GLYATL1: variants seen among roughly 807,000 people sequenced by gnomAD.
The protein encoded by GLYATL1 is glycine-N-acyltransferase like 1.
In GLYATL1, 15 loss-of-function variants were observed where a neutral mutation model predicts 20.0. That is an observed-to-expected ratio of 0.75 (90% CI 0.50 to 1.15). The LOEUF (loss-of-function observed/expected upper bound fraction) is 1.15, where lower values mean the gene tolerates loss of function less well. Ranked by LOEUF, GLYATL1 falls within the 50% of genes most tolerant of loss-of-function variation. The pLI, the probability that GLYATL1 is intolerant of heterozygous loss-of-function variation, is 0.00. For missense variants in GLYATL1, 380 were observed against 368.5 expected, an observed-to-expected ratio of 1.03 and a Z score of -0.26; for synonymous variants, 151 against 131.5, an observed-to-expected ratio of 1.15 and a Z score of -1.01.
intron 4 of GLYATL1, among the ~76,000 whole-genome samples, chr11:58,953,088 A>G (rs1003453909): frequency 2.6e-5 from 4 of 152,242 alleles, no homozygotes; most frequent in Non-Finnish European, 4.4e-5. Context: ...TTTATGGAAT[A>G]CTACACAGCA....
downstream of GLYATL1, among the ~76,000 whole-genome samples, chr11:58,913,145 G>A (rs1855091238): frequency 6.6e-6 from 1 of 152,146 alleles, no homozygotes; most frequent in Admixed American, 6.5e-5. Flanking sequence ...GGGGTGGACA[G>A]GGGCCAGAAC....
chr11:58,906,967 T>G (rs544182156), intron 1 of GLYATL1, among the ~76,000 whole-genome samples: 1 of 152,288 alleles, frequency 6.6e-6, no homozygotes, highest in Non-Finnish European at 1.5e-5. Context: ...TGTGGAATCC[T>G]TTTTTAAAAA....
chr11:58,933,739 T>G (rs1033042428), intron 1 of GLYATL1: 5 of 152,252 alleles, frequency 3.3e-5, no homozygotes, highest in African/African-American at 9.6e-5. Flanking sequence ...TTCTAGTTCT[T>G]GCATACCGGC....
At position 58,954,818 on chromosome 11, in the gene GLYATL1, T is replaced by A. The variant is rs530783722; in HGVS notation, c.235T>A (p.Ser79Thr). The A allele has an allele frequency of 7.4e-5, 119 of 1,612,714 alleles. 1 individual carries two copies. Among genetic ancestry groups the A allele is most frequent in the Admixed American group, 2.0e-4 (12 of 59,924 alleles). ...ATACACAAACGTATATCGTATGTTC[T>A]CCAAAGAGCCTCAAAAATCAGAAGA... is the stretch of plus-strand genomic sequence containing the variant. ...DSYTNVYRMFSKEPQKSEEVL... is the reference protein window; with the variant it reads ...DSYTNVYRMFTKEPQKSEEVL... Residue 79 changes from serine (S) to threonine (T), a missense_variant, in exon 5 of 7, where the codon TCC (serine) becomes ACC (threonine). Coordinates refer to ENST00000532726, the MANE Select transcript of GLYATL1 (RefSeq NM_001389712.2).
intron 2 of GLYATL1, among the ~76,000 whole-genome samples, chr11:58,944,944 G>T (rs1053625084): frequency 2.0e-5 from 3 of 150,688 alleles, no homozygotes; most frequent in African/African-American, 7.3e-5. Flanking sequence ...CAATATCATC[G>T]GATTCCATGA....
Position 58,956,278 on chromosome 11 carries a change from A to C in GLYATL1, c.*251A>C, listed in dbSNP as rs1283780002. The C allele has an allele frequency of 3.0e-5, 14 of 465,458 alleles. No homozygotes were observed. Among genetic ancestry groups the C allele is most frequent in the Non-Finnish European group, 4.9e-5 (13 of 263,376 alleles). The allele number at this position is 465,458 out of a possible 1,614,324, so 28.8% of individuals were successfully genotyped here. A position where few individuals can be genotyped will look rare whatever the true frequency, so the allele number is the denominator to read the frequency against. ...ATAGGGAAAGACGGGGTTACCAGTA[A>C]ACATGTAACTAGAAAGCCAGGCTCA... On this transcript the variant is annotated 3_prime_UTR_variant, in exon 7 of 7. Coordinates refer to ENST00000532726, the MANE Select transcript of GLYATL1 (RefSeq NM_001389712.2).
At chr11:58,911,870 T>A (rs575380906), downstream of GLYATL1, among the ~76,000 whole-genome samples, 1 of 152,366 alleles carries the variant, frequency 6.6e-6, no homozygotes, top group South Asian at 2.1e-4. Context: ...CATGCTTTTG[T>A]TGTTTACATC....
chr11:58,915,629 G>A (rs1590767835), intron 1 of GLYATL1, among the ~76,000 whole-genome samples: 1 of 152,302 alleles, frequency 6.6e-6, no homozygotes, highest in African/African-American at 2.4e-5. Flanking sequence ...GTGGGTTAGG[G>A]CTCAGCAATC....
intron 1 of GLYATL1, among the ~76,000 whole-genome samples, chr11:58,922,115 A>T (rs1855322746): frequency 6.6e-6 from 1 of 152,140 alleles, no homozygotes; most frequent in Non-Finnish European, 1.5e-5. Flanking sequence ...CCCAGTGGTG[A>T]TCCTCTTCAA....
At chr11:58,911,865 T>A (rs557096568), downstream of GLYATL1, among the ~76,000 whole-genome samples, 5 of 152,392 alleles carry the variant, frequency 3.3e-5, no homozygotes, top group South Asian at 1.0e-3. Context: ...CGGATCATGC[T>A]TTTGTTGTTT....
chr11:58,905,983 G>C (rs1256775661), intron 1 of GLYATL1, among the ~76,000 whole-genome samples: 1 of 152,226 alleles, frequency 6.6e-6, no homozygotes, highest in African/African-American at 2.4e-5. Context: ...TCCCTCCCGC[G>C]CGCCAGCCTG....
At chr11:58,909,018 C>T (rs1405255416), downstream of GLYATL1, among the ~76,000 whole-genome samples, 1 of 152,188 alleles carries the variant, frequency 6.6e-6, no homozygotes, top group Non-Finnish European at 1.5e-5. Context: ...CCCAGGCCAT[C>T]AGACTGCAGA....
At chr11:58,934,064 G>A (rs1855719594) in intron 1 of GLYATL1, 1 of 153,370 alleles carries the variant, frequency 6.5e-6, no homozygotes, top group South Asian at 2.1e-4. Flanking sequence ...CGTGCATTGA[G>A]CCTGTGTCTG....
intron 1 of GLYATL1, among the ~76,000 whole-genome samples, chr11:58,931,801 T>C (rs1855611147): frequency 6.6e-6 from 1 of 152,128 alleles, no homozygotes. Context: ...ATGTCTACAA[T>C]ATTAAATTAC....
intron 1 of GLYATL1, among the ~76,000 whole-genome samples, chr11:58,919,748 G>A (rs564396393): frequency 2.6e-5 from 4 of 152,280 alleles, no homozygotes; most frequent in African/African-American, 9.6e-5. Flanking sequence ...CCCGGGGTTC[G>A]GGTAGGCCCC....
intron 1 of GLYATL1, among the ~76,000 whole-genome samples, chr11:58,941,860 G>T (rs944791916): frequency 1.3e-5 from 2 of 152,176 alleles, no homozygotes; most frequent in African/African-American, 2.4e-5. Flanking sequence ...TGCAGGAGTT[G>T]CACAAAGACA....
At chr11:58,916,034 C>T (rs556446068) in intron 1 of GLYATL1, among the ~76,000 whole-genome samples, 2 of 152,208 alleles carry the variant, frequency 1.3e-5, no homozygotes, top group Non-Finnish European at 2.9e-5. Flanking sequence ...TCTTGCTATA[C>T]CTTTAGCAGA....
chr11:58,931,250 A>G (rs1173420162), intron 1 of GLYATL1, among the ~76,000 whole-genome samples: 1 of 152,046 alleles, frequency 6.6e-6, no homozygotes, highest in East Asian at 1.9e-4. Context: ...GTCTGTCTCT[A>G]TGTCTAAATT....
chr11:58,912,975 G>A (rs1285394028), downstream of GLYATL1, among the ~76,000 whole-genome samples: 5 of 152,230 alleles, frequency 3.3e-5, no homozygotes, highest in East Asian at 9.6e-4. Context: ...AATTTGAGAG[G>A]CCTCTGAGGA....
Sources: gnomAD v4.1 joint callset for allele counts (sites outside exome capture counted in the v4.1 genomes callset) on GRCh38, gnomAD v4.1.1 for gene constraint, MANE v1.5 for transcripts, NCBI Gene and HGNC (gene_info 2026-07-23, HGNC 2026-07-21) for gene names.